FLACC1: variants seen among roughly 807,000 people sequenced by gnomAD.
FLACC1 encodes flagellum associated containing coiled-coil domains 1.
In FLACC1, 66 loss-of-function variants were observed where a neutral mutation model predicts 62.8. The observed-to-expected ratio is 1.05, with a 90% CI of 0.86 to 1.29. FLACC1 has a LOEUF of 1.29. FLACC1 is among the 50% of genes most tolerant of loss of function. FLACC1 has a pLI of 0.00. For synonymous variants in FLACC1, 156 were observed against 161.0 expected, an observed-to-expected ratio of 0.97 and a Z score of 0.24; for missense variants, 452 against 489.1, an observed-to-expected ratio of 0.92 and a Z score of 0.71.
intron 11 of FLACC1, among the ~76,000 whole-genome samples, chr2:201,303,683 A>G (rs1367973778): frequency 6.6e-6 from 1 of 152,220 alleles, no homozygotes; most frequent in African/African-American, 2.4e-5. Flanking sequence ...ATCCTCAATA[A>G]AATACTGGCA....
At chr2:201,309,110 A>T in intron 10 of FLACC1, 41 bp downstream of exon 10, 2 of 1,548,814 alleles carry the variant, frequency 1.3e-6, no homozygotes, top group Non-Finnish European at 1.8e-6. Flanking sequence ...GCAGTTTTTT[A>T]ATGCACTTGT....
chr2:201,347,642 C>CAAA (rs199933300), intron 4 of FLACC1, among the ~76,000 whole-genome samples: 53,437 of 143,476 alleles, frequency 0.37, 10,493 homozygotes, highest in South Asian at 0.49. Context: ...AAAAACAAAA[C>CAAA]AAAAAAAAGA....
At chr2:201,293,284 T>A (rs989161042) in intron 12 of FLACC1, among the ~76,000 whole-genome samples, 2 of 152,134 alleles carry the variant, frequency 1.3e-5, no homozygotes, top group African/African-American at 4.8e-5. Context: ...AAAGCACTCC[T>A]CAGCAAATGT....
chr2:201,291,690 A>C (rs1013868166), intron 12 of FLACC1, among the ~76,000 whole-genome samples: 1 of 152,236 alleles, frequency 6.6e-6, no homozygotes, highest in Non-Finnish European at 1.5e-5. Context: ...GACTTTGACG[A>C]GTTGAGAGAA....
intron 6 of FLACC1, among the ~76,000 whole-genome samples, chr2:201,342,895 T>A (rs1191113764): frequency 1.3e-5 from 2 of 152,210 alleles, no homozygotes; most frequent in African/African-American, 2.4e-5. Flanking sequence ...GACAGTATAG[T>A]TCCATTCTAG....
chr2:201,311,573 G>A (rs1950218153), intron 9 of FLACC1, among the ~76,000 whole-genome samples: 1 of 151,596 alleles, frequency 6.6e-6, no homozygotes, highest in Admixed American at 6.6e-5. Flanking sequence ...AATTAGCTAG[G>A]TGTAGTGGTC....
intron 7 of FLACC1, among the ~76,000 whole-genome samples, chr2:201,333,191 C>T (rs1950628110): frequency 6.6e-6 from 1 of 152,144 alleles, no homozygotes; most frequent in Non-Finnish European, 1.5e-5. Context: ...TAAGTGTTCC[C>T]TTTTCTCCAC....
chr2:201,298,998 A>G (rs1467857400), intron 12 of FLACC1, among the ~76,000 whole-genome samples: 1 of 152,276 alleles, frequency 6.6e-6, no homozygotes, highest in Non-Finnish European at 1.5e-5. Context: ...ATTGAAGATC[A>G]CATAGTATAT....
chr2:201,296,897 C>T (rs1017969118), intron 12 of FLACC1, among the ~76,000 whole-genome samples: 2 of 152,008 alleles, frequency 1.3e-5, no homozygotes, highest in Non-Finnish European at 2.9e-5. Context: ...ATTGGAAGGG[C>T]AAGAGGGAAA....
chr2:201,310,883 G>A (rs879239885), intron 9 of FLACC1, among the ~76,000 whole-genome samples: 3 of 151,686 alleles, frequency 2.0e-5, no homozygotes, highest in Admixed American at 6.6e-5. Context: ...ATGCAAGACC[G>A]ATAGAGTGCT....
At chr2:201,361,404 A>C (rs1363056918), upstream of FLACC1, among the ~76,000 whole-genome samples, 2 of 152,230 alleles carry the variant, frequency 1.3e-5, no homozygotes, top group Non-Finnish European at 2.9e-5. Context: ...TGAATGCAAG[A>C]TTTGTGCATA....
intron 7 of FLACC1, among the ~76,000 whole-genome samples, chr2:201,334,726 T>G (rs1166733916): frequency 2.0e-5 from 3 of 148,910 alleles, no homozygotes; most frequent in Non-Finnish European, 3.0e-5. Context: ...GTGGTTGTGG[T>G]GAGCCAAGAT....
At chr2:201,347,845 C>G (rs1249720051) in intron 4 of FLACC1, among the ~76,000 whole-genome samples, 4 of 152,190 alleles carry the variant, frequency 2.6e-5, no homozygotes, top group African/African-American at 9.7e-5. Flanking sequence ...TGGTTCTCAT[C>G]ACCTTCTCCA....
chr2:201,362,594 C>G, the FLACC1 span, among the ~76,000 whole-genome samples: 18 of 152,308 alleles, frequency 1.2e-4, no homozygotes, highest in African/African-American at 3.9e-4. Context: ...TATGACTCAC[C>G]TTTCCACTTG....
intron 12 of FLACC1, among the ~76,000 whole-genome samples, chr2:201,290,890 C>A (rs1254392742): frequency 1.3e-5 from 2 of 152,230 alleles, no homozygotes; most frequent in African/African-American, 4.8e-5. Flanking sequence ...TATCCCATGC[C>A]TGGCTCATAA....
At chr2:201,348,166 T>C in intron 4 of FLACC1, 88 bp downstream of exon 4, 1 of 1,297,762 alleles carries the variant, frequency 7.7e-7, no homozygotes, top group Non-Finnish European at 1.1e-6. Context: ...TTCGACAAGG[T>C]AAGTATAAAA....
intron 7 of FLACC1, among the ~76,000 whole-genome samples, chr2:201,341,658 T>G (rs1258345087): frequency 6.6e-6 from 1 of 152,008 alleles, no homozygotes; most frequent in African/African-American, 2.4e-5. Flanking sequence ...ATTTTCCCTC[T>G]GTGGTGAGAA....
chr2:201,360,738 C>T (rs1367286205), upstream of FLACC1, among the ~76,000 whole-genome samples: 1 of 152,168 alleles, frequency 6.6e-6, no homozygotes, highest in Non-Finnish European at 1.5e-5. Flanking sequence ...CTTTAGAGGG[C>T]TCTGCATAGG....
intron 9 of FLACC1, among the ~76,000 whole-genome samples, chr2:201,313,360 C>G (rs1330091863): frequency 2.6e-5 from 4 of 152,114 alleles, no homozygotes; most frequent in Admixed American, 2.6e-4. Context: ...AGACTTGGTA[C>G]TACTGGGTTG....
Sources: allele counts gnomAD v4.1 joint callset (sites outside exome capture counted in the v4.1 genomes callset), GRCh38; gene constraint gnomAD v4.1.1; transcripts MANE v1.5; gene names NCBI Gene and HGNC (gene_info 2026-07-23, HGNC 2026-07-21).